Variants in SGIP1 observed in about 807,000 individuals in gnomAD.
The protein encoded by SGIP1 is SH3-containing GRB2-like protein 3-interacting protein 1.
Under a neutral mutation model 107.5 loss-of-function variants are expected in SGIP1, and 38 were observed. The ratio of observed to expected loss-of-function variants is 0.35; its 90% CI spans 0.27 to 0.46. SGIP1 has a LOEUF of 0.46. Ranked by LOEUF, SGIP1 falls within the 20% of genes least tolerant of loss-of-function variation. The pLI, the probability that SGIP1 is intolerant of heterozygous loss-of-function variation, is 1.00. For synonymous variants in SGIP1, 365 were observed against 366.1 expected (o/e 1.00, Z 0.03); for missense variants, 929 against 1,019.5 (o/e 0.91, Z 1.21).
intron 18 of SGIP1, among the ~76,000 whole-genome samples, chr1:66,715,786 C>T (rs1380907386): frequency 2.6e-5 from 4 of 152,064 alleles, no homozygotes; most frequent in African/African-American, 7.2e-5. Flanking sequence ...CAAGTTTTCA[C>T]CAAATCACAA....
chr1:66,593,186 A>C (rs1353865721), intron 1 of SGIP1, among the ~76,000 whole-genome samples: 1 of 152,060 alleles, frequency 6.6e-6, no homozygotes, highest in Non-Finnish European at 1.5e-5. Context: ...TTATTCATTT[A>C]TTCACCTACT....
intron 18 of SGIP1, among the ~76,000 whole-genome samples, chr1:66,712,577 CTT>C (rs1484789378): frequency 6.6e-6 from 1 of 151,856 alleles, no homozygotes; most frequent in African/African-American, 2.4e-5. Context: ...TCTCTTTCCT[CTT>C]TTTTTTCTAA....
intron 12 of SGIP1, among the ~76,000 whole-genome samples, chr1:66,673,724 A>T (rs1042654715): frequency 6.6e-6 from 1 of 152,170 alleles, no homozygotes; most frequent in Non-Finnish European, 1.5e-5. Context: ...ACAGACCTTC[A>T]TACATCCGTC....
chr1:66,719,447 C>A, intron 19 of SGIP1, 42 bp downstream of exon 19: 1 of 1,517,882 alleles, frequency 6.6e-7, no homozygotes, highest in South Asian at 1.2e-5. Flanking sequence ...TGAGTTCTGT[C>A]CTATTGAGTG....
At chr1:66,611,619 C>T (rs757422972) in intron 1 of SGIP1, among the ~76,000 whole-genome samples, 2 of 152,144 alleles carry the variant, frequency 1.3e-5, no homozygotes, top group African/African-American at 2.4e-5. Flanking sequence ...CTTCCTTTTC[C>T]GTGGCAATCT....
intron 15 of SGIP1, among the ~76,000 whole-genome samples, chr1:66,688,538 G>T (rs113355287): frequency 0.015 from 2,316 of 152,310 alleles, 52 homozygotes; most frequent in African/African-American, 0.053. Context: ...TTCAGTGCAT[G>T]TCTGTTATCA....
At chr1:66,568,102 C>T (rs1215436892) in intron 1 of SGIP1, among the ~76,000 whole-genome samples, 1 of 151,998 alleles carries the variant, frequency 6.6e-6, no homozygotes, top group African/African-American at 2.4e-5. Flanking sequence ...GGTAGTATGG[C>T]CATTTTCACA....
chr1:66,661,826 T>C (rs1027157707), intron 8 of SGIP1, among the ~76,000 whole-genome samples: 2 of 152,184 alleles, frequency 1.3e-5, no homozygotes, highest in African/African-American at 4.8e-5. Flanking sequence ...TTAATTTTTC[T>C]CCTGTTGTCC....
intron 6 of SGIP1, among the ~76,000 whole-genome samples, chr1:66,643,124 T>C (rs1193738845): frequency 2.6e-5 from 1 of 38,330 alleles, no homozygotes; most frequent in Non-Finnish European, 4.2e-5. Flanking sequence ...GACTGTCATT[T>C]ACAGTGACTA....
In SGIP1 at chr1:66,669,291, A is replaced by G. The variant is rs562122510; in HGVS notation, c.484-1704A>G. ...TTGACACACCTGGGAATTGATGACTACAAAAGGAGCTCTGTAGCTTTCTTG... is the reference window on the plus strand; with the variant it reads ...TTGACACACCTGGGAATTGATGACTGCAAAAGGAGCTCTGTAGCTTTCTTG... On this transcript the variant is annotated intron_variant, in intron 9 of 24. Coordinates refer to ENST00000371037, the MANE Select transcript of SGIP1 (RefSeq NM_032291.4). Among the ~76,000 whole-genome samples the G allele has an allele frequency of 3.3e-5, 5 of 152,340 alleles. No homozygotes were observed. In the South Asian group the frequency reaches 1.0e-3, roughly 32 times the overall value.
At chr1:66,641,180 T>C (rs2076724851) in intron 5 of SGIP1, among the ~76,000 whole-genome samples, 1 of 152,138 alleles carries the variant, frequency 6.6e-6, no homozygotes, top group Non-Finnish European at 1.5e-5. Context: ...ACTAAAAATT[T>C]GCTAAGAGTT....
At chr1:66,625,159 CTTACGCCTCTAGGA>C (rs1292649679) in intron 1 of SGIP1, among the ~76,000 whole-genome samples, 1 of 152,160 alleles carries the variant, frequency 6.6e-6, no homozygotes, top group Non-Finnish European at 1.5e-5. Context: ...TAGTCAGTGT[CTTACGCCTCTAGGA>C]TTAAGAAGCC....
At chr1:66,574,644 CT>C (rs548663365) in intron 1 of SGIP1, among the ~76,000 whole-genome samples, 38 of 152,268 alleles carry the variant, frequency 2.5e-4, no homozygotes, top group Non-Finnish European at 4.1e-4. Context: ...CCAGACATGT[CT>C]TTCTTAAGCA....
chr1:66,586,269 T>C (rs908824830), intron 1 of SGIP1, among the ~76,000 whole-genome samples: 12 of 152,302 alleles, frequency 7.9e-5, no homozygotes, highest in Admixed American at 2.0e-4. Flanking sequence ...TATAGATGGG[T>C]CATATTTTTA....
At chr1:66,698,497 G>C (rs989285881) in intron 18 of SGIP1, among the ~76,000 whole-genome samples, 3 of 150,836 alleles carry the variant, frequency 2.0e-5, no homozygotes, top group Non-Finnish European at 4.4e-5. Context: ...TCCTACCACA[G>C]CCTCCCGAGT....
intron 1 of SGIP1, among the ~76,000 whole-genome samples, chr1:66,542,027 C>A (rs1422562382): frequency 2.0e-5 from 3 of 152,116 alleles, no homozygotes; most frequent in Non-Finnish European, 4.4e-5. Flanking sequence ...CCCTTATCTG[C>A]AGAGGATATG....
chr1:66,745,320 G>A lies in SGIP1; in HGVS notation c.*2225G>A, dbSNP rs2094538005. The A allele has an allele frequency of 1.3e-5, 2 of 151,968 alleles. No individual in the cohort carries two copies. Among genetic ancestry groups the A allele is most frequent in the African/African-American group, 2.4e-5 (1 of 41,422 alleles). The allele number at this position is 151,968 out of a possible 1,614,324, so 9.4% of individuals were successfully genotyped here. The stretch of plus-strand genomic sequence containing the variant: ...TCTCTTAACTGGTCTTTATGGAACA[G>A]AATGGGAGTCAACAATTTCAAAATG... On this transcript the variant is annotated 3_prime_UTR_variant, in exon 25 of 25. Coordinates refer to ENST00000371037, the MANE Select transcript of SGIP1 (RefSeq NM_032291.4).
chr1:66,634,959 T>C (rs1193138128), intron 3 of SGIP1, among the ~76,000 whole-genome samples: 1 of 152,234 alleles, frequency 6.6e-6, no homozygotes, highest in African/African-American at 2.4e-5. Flanking sequence ...CCTTCAGCCC[T>C]TGTTTCTATA....
chr1:66,646,028 A>G (rs2077592724), intron 7 of SGIP1, among the ~76,000 whole-genome samples: 1 of 152,104 alleles, frequency 6.6e-6, no homozygotes, highest in Non-Finnish European at 1.5e-5. Context: ...TTCAGTAGAG[A>G]CAGTGTTTCA....
Sources: allele counts gnomAD v4.1 joint callset (sites outside exome capture counted in the v4.1 genomes callset), GRCh38; gene constraint gnomAD v4.1.1; transcripts MANE v1.5; gene names NCBI Gene and HGNC (gene_info 2026-07-23, HGNC 2026-07-21).